The following PDE3A variants were observed in gnomAD, a reference collection of about 807,000 sequenced individuals.
PDE3A encodes phosphodiesterase 3A.
In PDE3A, 43 loss-of-function variants were observed where a neutral mutation model predicts 98.3. The ratio of observed to expected loss-of-function variants is 0.44; its 90% CI spans 0.34 to 0.56. The LOEUF (loss-of-function observed/expected upper bound fraction) is 0.56, where lower values mean the gene tolerates loss of function less well. Among genes scored for constraint, PDE3A ranks in the 20% least tolerant of loss-of-function variants. The pLI, the probability that PDE3A is intolerant of heterozygous loss-of-function variation, is 0.01. For missense variants in PDE3A, 1,427 were observed against 1,440.7 expected, an observed-to-expected ratio of 0.99 and a Z score of 0.15; for synonymous variants, 663 against 567.9, an observed-to-expected ratio of 1.17 and a Z score of -2.38.
At chr12:20,622,474 A>G (rs1944161033) in intron 5 of PDE3A, among the ~76,000 whole-genome samples, 1 of 152,164 alleles carries the variant, frequency 6.6e-6, no homozygotes, top group Admixed American at 6.6e-5. Context: ...TACATCAGTA[A>G]AATAGACCAT....
chr12:20,390,626 T>A (rs547423033), intron 1 of PDE3A, among the ~76,000 whole-genome samples: 1 of 152,002 alleles, frequency 6.6e-6, no homozygotes, highest in South Asian at 2.1e-4. Flanking sequence ...TTTATTTTAG[T>A]TTCGGGGTGA....
intron 5 of PDE3A, among the ~76,000 whole-genome samples, chr12:20,625,000 A>T (rs935272808): frequency 6.6e-6 from 1 of 152,202 alleles, no homozygotes; most frequent in East Asian, 1.9e-4. Flanking sequence ...GCAATAGGCA[A>T]TGAGGCGGAG....
chr12:20,648,618 T>A (rs995490981), intron 12 of PDE3A, 70 bp from the exon 13 acceptor site: 14 of 956,458 alleles, frequency 1.5e-5, no homozygotes, highest in Non-Finnish European at 2.2e-5. Flanking sequence ...TTCAAAAGCA[T>A]TGCATATTCT....
chr12:20,428,483 G>GT (rs1405756199), intron 1 of PDE3A, among the ~76,000 whole-genome samples: 1 of 151,908 alleles, frequency 6.6e-6, no homozygotes, highest in Non-Finnish European at 1.5e-5. Context: ...GGGTTTCACC[G>GT]TGTTTGCCAG....
chr12:20,463,745 C>CTTTTGTA (rs1945293390), intron 1 of PDE3A, among the ~76,000 whole-genome samples: 1 of 152,084 alleles, frequency 6.6e-6, no homozygotes, highest in South Asian at 2.1e-4. Flanking sequence ...GTAGTATGTA[C>CTTTTGTA]CTGCTGAGGA....
At chr12:20,658,403 A>G (rs187920872) in intron 15 of PDE3A, among the ~76,000 whole-genome samples, 119 of 152,162 alleles carry the variant, frequency 7.8e-4, no homozygotes, top group Admixed American at 1.6e-3. Context: ...ATTCTACCTA[A>G]TTTTCCACAG....
chr12:20,546,781 T>A (rs1942071862), intron 1 of PDE3A, among the ~76,000 whole-genome samples: 3 of 152,082 alleles, frequency 2.0e-5, no homozygotes, highest in African/African-American at 7.2e-5. Context: ...TATAAGGGTG[T>A]CTTTGTGGCA....
chr12:20,396,917 C>CTGGAATTAGT (rs1944030349), intron 1 of PDE3A, among the ~76,000 whole-genome samples: 1 of 151,960 alleles, frequency 6.6e-6, no homozygotes, highest in Non-Finnish European at 1.5e-5. Context: ...GTCAGAAAGC[C>CTGGAATTAGT]TGGAATTAGT....
intron 1 of PDE3A, among the ~76,000 whole-genome samples, chr12:20,455,144 TAATG>T (rs1395557159): frequency 6.6e-6 from 1 of 152,214 alleles, no homozygotes; most frequent in African/African-American, 2.4e-5. Context: ...GACTTTTTAA[TAATG>T]GTCATTCTGA....
intron 2 of PDE3A, among the ~76,000 whole-genome samples, chr12:20,603,477 T>C (rs1943641854): frequency 6.6e-6 from 1 of 152,212 alleles, no homozygotes; most frequent in Non-Finnish European, 1.5e-5. Context: ...TATTTTGCAG[T>C]AGGGAGTACA....
At chr12:20,409,441 A>G (rs1486559302) in intron 1 of PDE3A, among the ~76,000 whole-genome samples, 1 of 152,168 alleles carries the variant, frequency 6.6e-6, no homozygotes, top group African/African-American at 2.4e-5. Context: ...GACAAAAAAG[A>G]AAATAATTTT....
Position 20,552,232 on chromosome 12 carries a change from G to A in PDE3A, c.961-4428G>A. ...CTGGCGGTCGGGGAAGCCGGTCAGG[G>A]TGGTGCGCAATGTCAAGGGTGGCAA... On this transcript the variant is annotated intron_variant, in intron 1 of 15. Transcript: ENST00000359062. This position sits in a 1 kb window ranked among gnomAD's most constrained non-coding sequence, Gnocchi z 5.1. 6.2e-7 allele frequency: 1 copy of A among 1,613,986 alleles called. No homozygotes were observed. The highest frequency in any genetic ancestry group is 1.7e-5 in the Admixed American group (1 of 60,022).
chr12:20,544,097 G>A (rs1432997266), intron 1 of PDE3A, among the ~76,000 whole-genome samples: 2 of 151,342 alleles, frequency 1.3e-5, no homozygotes, highest in Non-Finnish European at 3.0e-5. Flanking sequence ...GACTCCTGTG[G>A]TGCCTTTGGG....
At chr12:20,382,199 G>A (rs1221610617) in intron 1 of PDE3A, among the ~76,000 whole-genome samples, 2 of 151,720 alleles carry the variant, frequency 1.3e-5, no homozygotes, top group African/African-American at 4.8e-5. Flanking sequence ...AGTGTAGAGT[G>A]GGATCCTGAA....
intron 2 of PDE3A, among the ~76,000 whole-genome samples, chr12:20,596,910 A>T (rs938733268): frequency 7.9e-5 from 12 of 152,174 alleles, no homozygotes; most frequent in African/African-American, 2.2e-4. Flanking sequence ...ATTGGCAAGG[A>T]TATTTTCATA....
chr12:20,618,136 T>C (rs1381047642), intron 4 of PDE3A, among the ~76,000 whole-genome samples: 1 of 152,156 alleles, frequency 6.6e-6, no homozygotes, highest in Non-Finnish European at 1.5e-5. Context: ...TGAAAAGTAC[T>C]GATGTAAAAA....
intron 15 of PDE3A, among the ~76,000 whole-genome samples, chr12:20,655,966 C>T (rs1327011418): frequency 6.6e-6 from 1 of 152,108 alleles, no homozygotes; most frequent in East Asian, 1.9e-4. Flanking sequence ...GCCAATCTAA[C>T]CTATTTAGCT....
intron 2 of PDE3A, among the ~76,000 whole-genome samples, chr12:20,567,934 T>C (rs1942702033): frequency 6.6e-6 from 1 of 151,946 alleles, no homozygotes; most frequent in Non-Finnish European, 1.5e-5. Flanking sequence ...GAAAAAAGCA[T>C]TATTTTAACT....
chr12:20,633,786 A>G lies in PDE3A; in HGVS notation c.1846+8A>G, dbSNP rs539429778. On this transcript the variant is annotated splice_region_variant and intron_variant, in intron 7 of 15. Transcript: ENST00000359062. ...GGACACCAAGTAGAACAGGTAATTC[A>G]TTGTTTTGGATTCTGTTGCCCAAAA... 3 of 1,513,684 alleles carry G rather than the reference A, an allele frequency of 2.0e-6. No individual in the cohort carries two copies. Among genetic ancestry groups the G allele is most frequent in the Admixed American group, 3.7e-5 (2 of 54,126 alleles). 93.8% of individuals were successfully genotyped at this position (1,513,684 alleles called of 1,614,324 possible). A position where few individuals can be genotyped will look rare whatever the true frequency, so the allele number is the denominator to read the frequency against.
Sources: gnomAD v4.1 joint callset for allele counts (sites outside exome capture counted in the v4.1 genomes callset) on GRCh38, gnomAD v4.1.1 for gene constraint, Gnocchi (gnomAD v3.1) non-coding constraint, MANE v1.5 for transcripts, NCBI Gene and HGNC (gene_info 2026-07-23, HGNC 2026-07-21) for gene names.